The following ZNF540 variants were observed in gnomAD, a reference collection of about 807,000 sequenced individuals.
ZNF540 encodes the protein CTD-3064H18.6.
In ZNF540, 3 loss-of-function variants were observed where a neutral mutation model predicts 11.8. The observed-to-expected ratio is 0.25, with a 90% confidence interval of 0.12 to 0.65. The LOEUF (loss-of-function observed/expected upper bound fraction) is 0.65, where lower values mean the gene tolerates loss of function less well. ZNF540 is among the 30% of genes least tolerant of loss of function. The probability of loss-of-function intolerance (pLI) is 0.83; values close to 1 mark genes in which losing one functional copy is unlikely to be tolerated. For synonymous variants in ZNF540, 247 were observed against 259.0 expected, an observed-to-expected ratio of 0.95 and a Z score of 0.45; for missense variants, 709 against 793.1, an observed-to-expected ratio of 0.89 and a Z score of 1.27.
chr19:37,607,317 T>C (rs2044093046), intron 4 of ZNF540, among the ~76,000 whole-genome samples: 1 of 152,174 alleles, frequency 6.6e-6, no homozygotes, highest in Non-Finnish European at 1.5e-5. Flanking sequence ...CATTGACACA[T>C]CATTACCACC....
At chr19:37,561,048 C>CAA (rs199892724) in intron 1 of ZNF540, among the ~76,000 whole-genome samples, 5,129 of 73,404 alleles carry the variant, frequency 0.07, 325 homozygotes, top group Middle Eastern at 0.11. Context: ...CCTGTCTCTA[C>CAA]AAAAAAAAAA....
At chr19:37,566,201 C>G (rs749343091) in intron 1 of ZNF540, 3 of 1,613,922 alleles carry the variant, frequency 1.9e-6, no homozygotes, top group African/African-American at 1.3e-5. Context: ...ATGGTTGATA[C>G]GTTTCCCCAT....
chr19:37,571,833 C>T (rs1052743231), intron 1 of ZNF540, among the ~76,000 whole-genome samples: 7 of 152,164 alleles, frequency 4.6e-5, no homozygotes, highest in Admixed American at 1.3e-4. Context: ...CTTTTTGGCT[C>T]CTAAGGCCAA....
At chr19:37,601,151 C>A in intron 4 of ZNF540, 46 bp downstream of exon 4, 1 of 1,495,186 alleles carries the variant, frequency 6.7e-7, no homozygotes, top group South Asian at 1.2e-5. Flanking sequence ...CATTGCCAGT[C>A]ACGGCCAGCT....
At chr19:37,558,225 T>G (rs377031713) in intron 1 of ZNF540, among the ~76,000 whole-genome samples, 1 of 152,226 alleles carries the variant, frequency 6.6e-6, no homozygotes, top group East Asian at 1.9e-4. Context: ...TTCAGCTGCC[T>G]GTGTTGCTCG....
chr19:37,596,233 G>A (rs951833737), intron 1 of ZNF540, among the ~76,000 whole-genome samples: 2 of 152,084 alleles, frequency 1.3e-5, no homozygotes, highest in East Asian at 1.9e-4. Context: ...AGATATTCGC[G>A]TCAACATTAA....
intron 1 of ZNF540, among the ~76,000 whole-genome samples, chr19:37,574,192 C>T (rs978019568): frequency 2.6e-5 from 4 of 152,176 alleles, no homozygotes; most frequent in Admixed American, 2.0e-4. Context: ...ATATGCCTTT[C>T]CTTAAAGGCT....
chr19:37,603,998 TCTG>T (rs1448319243), intron 4 of ZNF540, among the ~76,000 whole-genome samples: 1 of 151,954 alleles, frequency 6.6e-6, no homozygotes, highest in Non-Finnish European at 1.5e-5. Context: ...AGTTCTTAAT[TCTG>T]CTTAGTTGTT....
chr19:37,605,339 A>G (rs1411760329), intron 4 of ZNF540, among the ~76,000 whole-genome samples: 2 of 151,880 alleles, frequency 1.3e-5, no homozygotes, highest in South Asian at 4.2e-4. Context: ...ACACACCTGT[A>G]AAAACTTTAT....
At chr19:37,561,816 A>G (rs1382268550) in intron 1 of ZNF540, among the ~76,000 whole-genome samples, 2 of 152,224 alleles carry the variant, frequency 1.3e-5, no homozygotes, top group African/African-American at 4.8e-5. Flanking sequence ...ATAATTTTGC[A>G]ATTATGTTAA....
Position 37,564,861 on chromosome 19 carries a change from T to C in ZNF540, c.-73+13196T>C, listed in dbSNP as rs145983673. 1.1e-3 allele frequency: 1,828 copies of C among 1,613,978 alleles called. 1 individual carries two copies. The highest frequency in any genetic ancestry group is 1.4e-3 in the Non-Finnish European group (1,694 of 1,179,976). ...TCATAAGGTTTTTCACCTCTGTGAA[T>C]TCTCTGATGTTCACTAAGTTGTGAG... On this transcript the variant is annotated intron_variant, in intron 1 of 4. Transcript: ENST00000592533.
At chr19:37,556,256 A>T in intron 1 of ZNF540, 4 of 622,068 alleles carry the variant, frequency 6.4e-6, no homozygotes, top group Non-Finnish European at 1.1e-5. Context: ...CTGTTGTGAA[A>T]GAGGTGAGGA....
chr19:37,593,406 T>C (rs2043924192), upstream of ZNF540, among the ~76,000 whole-genome samples: 1 of 152,136 alleles, frequency 6.6e-6, no homozygotes, highest in Admixed American at 6.5e-5. Flanking sequence ...TTATTTTTCA[T>C]CAAAACCTTA....
chr19:37,610,295 G>A (rs1600564686), intron 4 of ZNF540, among the ~76,000 whole-genome samples: 2 of 152,162 alleles, frequency 1.3e-5, no homozygotes, highest in Non-Finnish European at 2.9e-5. Context: ...ACAGTCAGTT[G>A]TTTAATGCCT....
chr19:37,592,644 T>G (rs1232581815), upstream of ZNF540, among the ~76,000 whole-genome samples: 1 of 152,216 alleles, frequency 6.6e-6, no homozygotes, highest in African/African-American at 2.4e-5. Flanking sequence ...GACATCAGAC[T>G]GTAAGGGCCT....
At chr19:37,595,894 C>A (rs189272199) in intron 1 of ZNF540, among the ~76,000 whole-genome samples, 1 of 152,078 alleles carries the variant, frequency 6.6e-6, no homozygotes, top group African/African-American at 2.4e-5. Flanking sequence ...AACAGTACAA[C>A]CTGGAGCATT....
At chr19:37,555,477 C>T (rs2042649604) in intron 1 of ZNF540, 2 of 185,366 alleles carry the variant, frequency 1.1e-5, no homozygotes, top group South Asian at 1.2e-4. Context: ...GAGGAGAGGT[C>T]CAGCTAACCC....
intron 1 of ZNF540, chr19:37,585,990 A>G (rs1370873257): frequency 6.6e-6 from 1 of 152,256 alleles, no homozygotes; most frequent in East Asian, 1.9e-4. Context: ...GGACAAGGAA[A>G]CAGATTCTCC....
intron 1 of ZNF540, among the ~76,000 whole-genome samples, chr19:37,559,785 CTATTT>C (rs1475033303): frequency 6.6e-6 from 1 of 152,106 alleles, no homozygotes; most frequent in Non-Finnish European, 1.5e-5. Context: ...GTACACTGTA[CTATTT>C]TATTTTTGCC....
Sources: allele counts gnomAD v4.1 joint callset (sites outside exome capture counted in the v4.1 genomes callset), GRCh38; gene constraint gnomAD v4.1.1; transcripts MANE v1.5; gene names NCBI Gene and HGNC (gene_info 2026-07-23, HGNC 2026-07-21).